The following TDRD1 variants were observed in gnomAD, a reference collection of about 807,000 sequenced individuals.
TDRD1 encodes the protein tudor domain containing 1, also known as tudor domain-containing protein 1.
Under a neutral mutation model 140.6 loss-of-function variants are expected in TDRD1, and 37 were observed. That is an observed-to-expected ratio of 0.26 (90% CI 0.20 to 0.35). The LOEUF is 0.35. Ranked by LOEUF, TDRD1 falls within the 10% of genes least tolerant of loss-of-function variation. TDRD1 has a pLI of 1.00. For synonymous variants in TDRD1, 506 were observed against 475.7 expected (o/e 1.06, Z -0.83); for missense variants, 1,243 against 1,393.0 (o/e 0.89, Z 1.71).
chr10:114,187,803 C>G, intron 1 of TDRD1, 23 bp from the exon 2 acceptor site: 1 of 1,522,810 alleles, frequency 6.6e-7, no homozygotes, highest in Non-Finnish European at 8.8e-7. Flanking sequence ...AAAGTTGTCT[C>G]TTAAATACAT....
intron 1 of TDRD1, 100 bp from the exon 2 acceptor site, chr10:114,187,726 A>G (rs1564932556): frequency 1.8e-6 from 2 of 1,093,394 alleles, no homozygotes; most frequent in East Asian, 4.8e-5. Context: ...TATAGGCATT[A>G]TCTGTTACGT....
At chr10:114,178,923 A>G (rs554978623), upstream of TDRD1, among the ~76,000 whole-genome samples, 1 of 152,190 alleles carries the variant, frequency 6.6e-6, no homozygotes, top group South Asian at 2.1e-4. Context: ...ACCAACAGGT[A>G]TAATCACATG....
intron 3 of TDRD1, 128 bp from the exon 4 acceptor site, chr10:114,199,045 G>T: frequency 9.3e-7 from 1 of 1,076,668 alleles, no homozygotes; most frequent in South Asian, 1.7e-5. Context: ...CAGGGTTTTA[G>T]TTTACCTTAA....
At chr10:114,226,341 T>G (rs2036436209) in intron 22 of TDRD1, 125 bp downstream of exon 22, 1 of 624,260 alleles carries the variant, frequency 1.6e-6, no homozygotes. Context: ...TTTTAAATAT[T>G]AAGAGTTTTC....
intron 1 of TDRD1, among the ~76,000 whole-genome samples, chr10:114,185,513 A>AG (rs1212252588): frequency 2.0e-5 from 3 of 151,528 alleles, no homozygotes; most frequent in Non-Finnish European, 4.4e-5. Context: ...TTAATGTAAA[A>AG]TATCTTCACG....
At chr10:114,214,671 T>C (rs2035696639) in intron 16 of TDRD1, among the ~76,000 whole-genome samples, 1 of 151,992 alleles carries the variant, frequency 6.6e-6, no homozygotes, top group Admixed American at 6.6e-5. Context: ...AGTCAAGCAA[T>C]AAAACATTAC....
chr10:114,183,493 C>A (rs978658690), intron 1 of TDRD1, among the ~76,000 whole-genome samples: 1 of 152,142 alleles, frequency 6.6e-6, no homozygotes, highest in Non-Finnish European at 1.5e-5. Context: ...CCCCAGAATA[C>A]TCATTGTTAT....
intron 3 of TDRD1, among the ~76,000 whole-genome samples, chr10:114,193,944 A>C (rs774029167): frequency 2.0e-5 from 3 of 152,168 alleles, no homozygotes; most frequent in Non-Finnish European, 4.4e-5. Context: ...CTTTTTCTGC[A>C]TTGATTGATA....
chr10:114,220,461 A>T (rs1238196460), intron 18 of TDRD1, 107 bp from the exon 19 acceptor site: 1 of 718,506 alleles, frequency 1.4e-6, no homozygotes, highest in Non-Finnish European at 2.4e-6. Context: ...GATACTGAGA[A>T]TTGCTGACCT....
intron 3 of TDRD1, among the ~76,000 whole-genome samples, chr10:114,193,289 C>CTTTTTTTTTT (rs1170053036): frequency 8.4e-5 from 7 of 83,682 alleles, no homozygotes; most frequent in Non-Finnish European, 1.2e-4. Context: ...TTGCTGAAGT[C>CTTTTTTTTTT]TTTTTTTTTT....
At chr10:114,211,623 T>C (rs1010009150) in intron 13 of TDRD1, among the ~76,000 whole-genome samples, 2 of 152,220 alleles carry the variant, frequency 1.3e-5, no homozygotes, top group Non-Finnish European at 2.9e-5. Context: ...CTAACTCTAC[T>C]GGAGAGACAA....
chr10:114,202,075 G>GT (rs2034782208), intron 5 of TDRD1, among the ~76,000 whole-genome samples, 163 bp from the exon 6 acceptor site: 1 of 152,202 alleles, frequency 6.6e-6, no homozygotes, highest in African/African-American at 2.4e-5. Flanking sequence ...GTGGACCACT[G>GT]TGTAGCCAGC....
exon 23 of TDRD1, chr10:114,227,116 C>G: frequency 6.3e-7 from 1 of 1,591,790 alleles, no homozygotes; most frequent in Non-Finnish European, 8.6e-7. Context: ...AATAATAATG[C>G]TATTAAAAAA....
At chr10:114,211,887 C>T (rs756004583) in exon 14 of TDRD1, 2 of 1,578,694 alleles carry the variant, frequency 1.3e-6, no homozygotes, top group Non-Finnish European at 1.7e-6. Context: ...TGGTACCGTG[C>T]CTCTGTTTTG....
intron 2 of TDRD1, among the ~76,000 whole-genome samples, chr10:114,189,856 T>A (rs1290743796): frequency 6.6e-6 from 1 of 152,242 alleles, no homozygotes; most frequent in East Asian, 1.9e-4. Flanking sequence ...GACCAATGCG[T>A]GGTATTGCAG....
At chr10:114,189,279 AC>A (rs1237561029) in intron 2 of TDRD1, among the ~76,000 whole-genome samples, 5 of 152,182 alleles carry the variant, frequency 3.3e-5, no homozygotes, top group African/African-American at 1.2e-4. Flanking sequence ...ATTACTCCTG[AC>A]TTTTACCTTC....
intron 7 of TDRD1, 43 bp downstream of exon 7, chr10:114,203,219 A>T: frequency 6.6e-7 from 1 of 1,522,338 alleles, no homozygotes; most frequent in Non-Finnish European, 9.0e-7. Context: ...GATCCAGAGA[A>T]CTGTATTTAT....
At chr10:114,211,568 A>G (rs933098391) in intron 13 of TDRD1, among the ~76,000 whole-genome samples, 1 of 152,190 alleles carries the variant, frequency 6.6e-6, no homozygotes, top group Non-Finnish European at 1.5e-5. Flanking sequence ...ATTGATTGAG[A>G]CCTTGTGATT....
chr10:114,210,070 AG>A (rs1223209470), intron 11 of TDRD1, among the ~76,000 whole-genome samples: 1 of 152,148 alleles, frequency 6.6e-6, no homozygotes, highest in Non-Finnish European at 1.5e-5. Flanking sequence ...CTCTTAGGTT[AG>A]CCCTAATTAT....
Sources: gnomAD v4.1 joint callset for allele counts (sites outside exome capture counted in the v4.1 genomes callset) on GRCh38, gnomAD v4.1.1 for gene constraint, MANE v1.5 for transcripts, NCBI Gene and HGNC (gene_info 2026-07-23, HGNC 2026-07-21) for gene names.